Variants in FRYL observed in about 807,000 individuals in gnomAD.
The protein encoded by FRYL is FRY like transcription coactivator.
FRYL carries 150 observed loss-of-function variants against 351.2 expected under a neutral mutation model. The ratio of observed to expected loss-of-function variants is 0.43; its 90% CI spans 0.37 to 0.49. The LOEUF (loss-of-function observed/expected upper bound fraction) is 0.49, where lower values mean the gene tolerates loss of function less well. Ranked by LOEUF, FRYL falls within the 20% of genes least tolerant of loss-of-function variation. FRYL has a pLI of 0.00. For synonymous variants in FRYL, 1,153 were observed against 1,257.1 expected (o/e 0.92, Z 1.75); for missense variants, 3,036 against 3,619.3 (o/e 0.84, Z 4.13).
intron 2 of FRYL, among the ~76,000 whole-genome samples, chr4:48,689,965 C>T (rs1333338037): frequency 6.8e-6 from 1 of 147,152 alleles, no homozygotes; most frequent in Non-Finnish European, 1.5e-5. Flanking sequence ...GGCGTAATCT[C>T]GGCTCACTGC....
chr4:48,523,610 T>C (rs1432108325), intron 53 of FRYL: 1 of 153,200 alleles, frequency 6.5e-6, no homozygotes, highest in African/African-American at 2.4e-5. Flanking sequence ...CAAAGACTGA[T>C]TCAAGCTCTG....
chr4:48,509,064 T>C (rs1292421758), intron 59 of FRYL, among the ~76,000 whole-genome samples: 2 of 152,192 alleles, frequency 1.3e-5, no homozygotes, highest in African/African-American at 2.4e-5. Flanking sequence ...TAGTAGGCAA[T>C]GATTTCTGAA....
intron 3 of FRYL, among the ~76,000 whole-genome samples, chr4:48,646,518 G>T (rs1171329056): frequency 6.6e-6 from 1 of 152,112 alleles, no homozygotes; most frequent in Non-Finnish European, 1.5e-5. Context: ...CAACAGACTA[G>T]GAAGAATAAC....
chr4:48,551,370 T>C (rs1732710871), intron 37 of FRYL, 124 bp downstream of exon 37: 2 of 555,352 alleles, frequency 3.6e-6, no homozygotes, highest in Non-Finnish European at 6.1e-6. Context: ...CATGGAAATA[T>C]ATTTTTTTCA....
intron 1 of FRYL, among the ~76,000 whole-genome samples, chr4:48,716,472 A>G (rs1269627744): frequency 2.0e-5 from 3 of 151,704 alleles, no homozygotes; most frequent in Admixed American, 6.6e-5. Flanking sequence ...GAAGGACATG[A>G]ACAGACACTT....
chr4:48,544,947 G>C, intron 42 of FRYL, 43 bp from the exon 43 acceptor site: 1 of 1,565,414 alleles, frequency 6.4e-7, no homozygotes, highest in Non-Finnish European at 8.6e-7. Flanking sequence ...ATTTTCACTT[G>C]TGATTAACAG....
At chr4:48,741,975 T>C (rs1772137338) in intron 1 of FRYL, among the ~76,000 whole-genome samples, 1 of 152,168 alleles carries the variant, frequency 6.6e-6, no homozygotes. Context: ...ACCCATGGAG[T>C]GTACAACACC....
chr4:48,510,313 C>T (rs1332181624), intron 58 of FRYL, among the ~76,000 whole-genome samples, 156 bp from the exon 59 acceptor site: 1 of 152,192 alleles, frequency 6.6e-6, no homozygotes, highest in Non-Finnish European at 1.5e-5. Flanking sequence ...TGAGCTCTCA[C>T]TGGAACAGAG....
chr4:48,564,419 A>AT, intron 30 of FRYL, among the ~76,000 whole-genome samples: 1 of 152,272 alleles, frequency 6.6e-6, no homozygotes, highest in Non-Finnish European at 1.5e-5. Flanking sequence ...CTCTCCAATT[A>AT]TTTTTATCAA....
At chr4:48,657,437 G>GATACTGCTATCAATCTTCA (rs1405097064) in intron 3 of FRYL, among the ~76,000 whole-genome samples, 4 of 145,470 alleles carry the variant, frequency 2.7e-5, no homozygotes, top group Non-Finnish European at 4.5e-5. Flanking sequence ...CGCAAAGAAC[G>GATACTGCTATCAATCTTCA]ATACTGCTAT....
intron 3 of FRYL, among the ~76,000 whole-genome samples, chr4:48,641,833 A>G (rs1220733766): frequency 6.6e-6 from 1 of 152,166 alleles, no homozygotes; most frequent in African/African-American, 2.4e-5. Flanking sequence ...TATTTTGGTT[A>G]TATCTTCTAA....
At chr4:48,731,730 T>C (rs770674624) in intron 1 of FRYL, among the ~76,000 whole-genome samples, 10 of 152,150 alleles carry the variant, frequency 6.6e-5, no homozygotes, top group Non-Finnish European at 1.0e-4. Flanking sequence ...TGGCTAGCCA[T>C]ATGCAGAAAA....
chr4:48,517,194 T>C (rs1362126656), intron 55 of FRYL, among the ~76,000 whole-genome samples: 1 of 152,198 alleles, frequency 6.6e-6, no homozygotes, highest in Admixed American at 6.5e-5. Context: ...AGATAATCTA[T>C]GTGACAGTAC....
chr4:48,700,536 T>C (rs1054987054), intron 2 of FRYL, among the ~76,000 whole-genome samples: 1 of 152,174 alleles, frequency 6.6e-6, no homozygotes, highest in Non-Finnish European at 1.5e-5. Flanking sequence ...GACACAGTGG[T>C]CACGCCTGTA....
intron 3 of FRYL, chr4:48,653,730 CT>C: frequency 7.7e-7 from 1 of 1,290,674 alleles, no homozygotes; most frequent in Non-Finnish European, 1.0e-6. Flanking sequence ...TGCTCCAGGA[CT>C]TTAACAAGGA....
intron 1 of FRYL, among the ~76,000 whole-genome samples, chr4:48,714,861 C>T (rs1263598251): frequency 6.8e-6 from 1 of 147,862 alleles, no homozygotes; most frequent in Non-Finnish European, 1.5e-5. Flanking sequence ...AACATTGATG[C>T]AAAAATCCTC....
intron 2 of FRYL, among the ~76,000 whole-genome samples, chr4:48,708,817 C>T (rs1174623067): frequency 2.6e-5 from 4 of 151,864 alleles, no homozygotes; most frequent in African/African-American, 9.7e-5. Context: ...TGGTCTCAAA[C>T]TCTTGGCCTC....
chr4:48,613,334 CTGTATA>C (rs1390802160), intron 7 of FRYL, among the ~76,000 whole-genome samples: 1 of 152,092 alleles, frequency 6.6e-6, no homozygotes, highest in East Asian at 1.9e-4. Flanking sequence ...GATGCTCAAC[CTGTATA>C]TACAGGGTTT....
rs184721063 is a variant in FRYL, at chr4:48,630,770, T to C, written c.120+3521A>G. Among the ~76,000 whole-genome samples, 256 of 152,314 alleles carry C rather than the reference T, an allele frequency of 1.7e-3. 1 individual carries two copies. The highest frequency in any genetic ancestry group is 6.0e-3 in the African/African-American group (249 of 41,590). ...TCTAATGTAAGAATGAAAAAGCCAATTCTCTCATTTTAGTGGTAGATTAAA... is the reference window on the plus strand; with the variant it reads ...TCTAATGTAAGAATGAAAAAGCCAACTCTCTCATTTTAGTGGTAGATTAAA... On this transcript the variant is annotated intron_variant, in intron 4 of 63. Coordinates refer to ENST00000358350, the MANE Select transcript of FRYL (RefSeq NM_015030.2).
Sources: gnomAD v4.1 joint callset for allele counts (sites outside exome capture counted in the v4.1 genomes callset) on GRCh38, gnomAD v4.1.1 for gene constraint, MANE v1.5 for transcripts, NCBI Gene and HGNC (gene_info 2026-07-23, HGNC 2026-07-21) for gene names.